Variants in GRID1 observed in about 807,000 individuals in gnomAD.
The protein encoded by GRID1 is glutamate ionotropic receptor delta type subunit 1, also known as glutamate receptor ionotropic, delta-1.
Under a neutral mutation model 98.0 loss-of-function variants are expected in GRID1, and 28 were observed. That is an observed-to-expected ratio of 0.29 (90% CI 0.21 to 0.39). The LOEUF (loss-of-function observed/expected upper bound fraction) is 0.39, where lower values mean the gene tolerates loss of function less well. Ranked by LOEUF, GRID1 falls within the 10% of genes least tolerant of loss-of-function variation. The pLI is 1.00. For synonymous variants in GRID1, 553 were observed against 538.5 expected, an observed-to-expected ratio of 1.03 and a Z score of -0.37; for missense variants, 1,111 against 1,340.5, an observed-to-expected ratio of 0.83 and a Z score of 2.67.
chr10:86,105,441 A>G (rs755106151), intron 4 of GRID1, among the ~76,000 whole-genome samples: 1 of 152,158 alleles, frequency 6.6e-6, no homozygotes, highest in African/African-American at 2.4e-5. Flanking sequence ...GCACCACGCT[A>G]TCTCTTCAGA....
intron 13 of GRID1, among the ~76,000 whole-genome samples, chr10:85,624,399 G>A (rs1842888400): frequency 6.6e-6 from 1 of 152,160 alleles, no homozygotes; most frequent in South Asian, 2.1e-4. Context: ...TGGAGACAAG[G>A]CTGTGGATAC....
chr10:85,895,464 C>T (rs753425534), intron 5 of GRID1, among the ~76,000 whole-genome samples: 5 of 152,134 alleles, frequency 3.3e-5, no homozygotes, highest in Non-Finnish European at 7.3e-5. Flanking sequence ...AATATCCTCC[C>T]ACCCATGCTC....
chr10:85,621,621 C>A (rs1842860488), intron 13 of GRID1, among the ~76,000 whole-genome samples: 1 of 152,138 alleles, frequency 6.6e-6, no homozygotes, highest in Admixed American at 6.5e-5. Context: ...AAATGACACA[C>A]ACCTGTGCCA....
chr10:86,083,848 T>A (rs1427433529), intron 4 of GRID1, among the ~76,000 whole-genome samples: 1 of 152,154 alleles, frequency 6.6e-6, no homozygotes, highest in African/African-American at 2.4e-5. Flanking sequence ...CCAGTTCAGC[T>A]CGTAAGTTGT....
At chr10:86,193,582 C>G (rs558498035) in intron 3 of GRID1, among the ~76,000 whole-genome samples, 1 of 151,956 alleles carries the variant, frequency 6.6e-6, no homozygotes, top group Non-Finnish European at 1.5e-5. Context: ...GGGACAGAGG[C>G]AGCCCCTTCC....
rs1052764152 is a variant in GRID1 at position 85,715,981 on chromosome 10, A to G, written c.1997+7022T>C. Among the ~76,000 whole-genome samples the G allele has an allele frequency of 4.0e-5, 6 of 150,846 alleles. No homozygotes were observed. In the East Asian group the frequency reaches 1.2e-3, roughly 29 times the overall value. On this transcript the variant is annotated intron_variant, in intron 12 of 15. Transcript: ENST00000327946. ...GAGTGCAGTGGCATGATCTCGGCTC[A>G]CTGCAACCTCCACCTCTCAGGTTCA...
At chr10:86,051,190 T>C (rs536944315) in intron 4 of GRID1, among the ~76,000 whole-genome samples, 3 of 151,202 alleles carry the variant, frequency 2.0e-5, no homozygotes, top group African/African-American at 7.3e-5. Context: ...TGAAACAGAA[T>C]ACCATTTCTA....
intron 4 of GRID1, among the ~76,000 whole-genome samples, chr10:86,055,082 A>G (rs1195343630): frequency 6.6e-6 from 1 of 152,202 alleles, no homozygotes; most frequent in East Asian, 1.9e-4. Flanking sequence ...TCAACCAGCC[A>G]AAACTTAAGC....
At chr10:85,723,835 C>CA (rs1447433966) in intron 11 of GRID1, among the ~76,000 whole-genome samples, 1 of 152,184 alleles carries the variant, frequency 6.6e-6, no homozygotes, top group Non-Finnish European at 1.5e-5. Flanking sequence ...GATGAAGACT[C>CA]ACATTAGAAA....
At chr10:86,177,087 C>G (rs1327926862) in intron 3 of GRID1, among the ~76,000 whole-genome samples, 1 of 151,820 alleles carries the variant, frequency 6.6e-6, no homozygotes, top group Admixed American at 6.6e-5. Flanking sequence ...CCCCCTACAG[C>G]AGCAAACCCC....
At chr10:86,201,884 G>A (rs1476803732) in intron 3 of GRID1, among the ~76,000 whole-genome samples, 4 of 152,154 alleles carry the variant, frequency 2.6e-5, no homozygotes, top group African/African-American at 9.7e-5. Flanking sequence ...AATCGGGAGA[G>A]TGTTTAAGTC....
chr10:86,313,327 C>G (rs186139631), intron 2 of GRID1, among the ~76,000 whole-genome samples: 13 of 152,332 alleles, frequency 8.5e-5, no homozygotes, highest in Admixed American at 6.5e-4. Flanking sequence ...TCACAACAAC[C>G]CTGAGATGTT....
At chr10:86,121,879 A>G (rs2131960056) in intron 4 of GRID1, among the ~76,000 whole-genome samples, 1 of 152,222 alleles carries the variant, frequency 6.6e-6, no homozygotes, top group East Asian at 1.9e-4. Flanking sequence ...CAAACAAACA[A>G]CTCCAAAGGC....
At chr10:86,227,645 C>A (rs557204352) in intron 2 of GRID1, among the ~76,000 whole-genome samples, 1 of 148,122 alleles carries the variant, frequency 6.8e-6, no homozygotes, top group East Asian at 1.9e-4. Context: ...CTTCCTCACA[C>A]GTCTGAGCCC....
rs114894325 is a variant in GRID1, at chr10:85,914,679, T to A, written c.780+1507A>T. 2.1e-3 allele frequency among the ~76,000 whole-genome samples: 316 copies of A among 152,312 alleles called. 1 individual carries two copies. Among genetic ancestry groups the A allele is most frequent in the African/African-American group, 7.2e-3 (301 of 41,556 alleles). On this transcript the variant is annotated intron_variant, in intron 5 of 15. Transcript: ENST00000327946. The stretch of plus-strand genomic sequence containing the variant: ...TTACAATCTGATACTACCTGCACAA[T>A]TATTAAAATAAGCCACCCAAGACTA...
chr10:86,353,016 C>A (rs1478086305), intron 2 of GRID1, among the ~76,000 whole-genome samples: 1 of 152,202 alleles, frequency 6.6e-6, no homozygotes, highest in African/African-American at 2.4e-5. Context: ...TCTCTGAGAG[C>A]CCTGAGGTCA....
chr10:85,909,513 G>A (rs555655331), intron 5 of GRID1, among the ~76,000 whole-genome samples: 43 of 152,194 alleles, frequency 2.8e-4, no homozygotes, highest in African/African-American at 7.2e-4. Context: ...CATCAACAGC[G>A]GAACAGATAA....
At chr10:85,962,827 T>G (rs191562796) in intron 4 of GRID1, among the ~76,000 whole-genome samples, 1 of 152,322 alleles carries the variant, frequency 6.6e-6, no homozygotes, top group East Asian at 1.9e-4. Flanking sequence ...ACACCCATCC[T>G]TAATTCAATA....
chr10:85,774,526 G>C (rs1178504013), intron 8 of GRID1, among the ~76,000 whole-genome samples: 2 of 151,162 alleles, frequency 1.3e-5, no homozygotes, highest in Non-Finnish European at 3.0e-5. Context: ...ACTACCATCA[G>C]AGTGAACAGG....
Sources: allele counts gnomAD v4.1 joint callset (sites outside exome capture counted in the v4.1 genomes callset), GRCh38; gene constraint gnomAD v4.1.1; transcripts MANE v1.5; gene names NCBI Gene and HGNC (gene_info 2026-07-23, HGNC 2026-07-21).